The following USP15 variants were observed in gnomAD, a reference collection of about 807,000 sequenced individuals.
USP15 encodes the protein ubiquitin specific peptidase 15.
A neutral mutation model predicts 127.1 loss-of-function variants in USP15; 18 were observed. The observed-to-expected ratio is 0.14, with a 90% CI of 0.10 to 0.21. The LOEUF (loss-of-function observed/expected upper bound fraction) is 0.21, where lower values mean the gene tolerates loss of function less well. Among genes scored for constraint, USP15 ranks in the 10% least tolerant of loss-of-function variants. The pLI is 1.00. For synonymous variants in USP15, 364 were observed against 393.7 expected (o/e 0.92, Z 0.89); for missense variants, 805 against 1,159.9 (o/e 0.69, Z 4.44).
At position 62,393,176 on chromosome 12, in the gene USP15, G is replaced by A. The variant is rs1363106984; in HGVS notation, c.2544G>A (p.Leu848=). 6.2e-7 allele frequency: 1 copy of A among 1,612,538 alleles called. No homozygotes were observed. The highest frequency in any genetic ancestry group is 2.2e-5 in the East Asian group (1 of 44,694). ...ACAGTCGATACATGAGAGACAAGTT[G>A]GATACCTTAGTTGATTTTCCTATCA... ...FSYSRYMRDK[L]DTLVDFPIND... The change falls in exon 19 of 22, where the codon TTG becomes TTA. Residue 848 remains leucine (L), a synonymous_variant. Coordinates refer to ENST00000280377, the MANE Select transcript of USP15 (RefSeq NM_001252078.2).
chr12:62,335,885 A>G, intron 6 of USP15: 1 of 985,412 alleles, frequency 1.0e-6, no homozygotes, highest in Non-Finnish European at 1.2e-6. Context: ...ATTTGAATGC[A>G]TGATACGACC....
At chr12:62,330,629 G>C (rs1435901816) in intron 6 of USP15, among the ~76,000 whole-genome samples, 2 of 149,046 alleles carry the variant, frequency 1.3e-5, no homozygotes, top group African/African-American at 5.0e-5. Context: ...TCATTGAAAA[G>C]CACATTTTAG....
intron 3 of USP15, chr12:62,304,795 G>C: frequency 4.9e-6 from 2 of 406,634 alleles, no homozygotes. Context: ...AGGTAATTGA[G>C]TTAGTAGATT....
intron 4 of USP15, among the ~76,000 whole-genome samples, chr12:62,317,137 T>A (rs1034582002): frequency 1.3e-5 from 2 of 152,172 alleles, no homozygotes; most frequent in Non-Finnish European, 2.9e-5. Flanking sequence ...TTTCTTACTA[T>A]AGCTCTTAGT....
intron 7 of USP15, among the ~76,000 whole-genome samples, chr12:62,353,143 A>G (rs775279176): frequency 3.9e-5 from 6 of 152,080 alleles, no homozygotes; most frequent in Non-Finnish European, 5.9e-5. Flanking sequence ...GTGGATTATA[A>G]GTGACCGATC....
rs1249714405 is a variant in USP15, at chr12:62,416,187, A to G, written c.*11812A>G. 1.3e-5 allele frequency: 2 copies of G among 152,328 alleles called. No homozygotes were observed. Among genetic ancestry groups the G allele is most frequent in the East Asian group, 1.9e-4 (1 of 5,192 alleles). 9.4% of individuals were successfully genotyped at this position (152,328 alleles called of 1,614,324 possible). A position where few individuals can be genotyped will look rare whatever the true frequency, so the allele number is the denominator to read the frequency against. On this transcript the variant is annotated 3_prime_UTR_variant, in exon 22 of 22. Coordinates refer to ENST00000280377, the MANE Select transcript of USP15 (RefSeq NM_001252078.2). ...CTTATCTCTTACCTGGCGAACTCCTACACTCCTTCAAGACTTGCTCCAAAA... is the reference window on the plus strand; with the variant it reads ...CTTATCTCTTACCTGGCGAACTCCTGCACTCCTTCAAGACTTGCTCCAAAA...
chr12:62,344,934 G>A (rs1288459048), intron 6 of USP15, among the ~76,000 whole-genome samples: 1 of 152,206 alleles, frequency 6.6e-6, no homozygotes, highest in Non-Finnish European at 1.5e-5. Context: ...GGGTGGTCCT[G>A]GGCCCAGCCC....
At chr12:62,282,715 C>T (rs932419289) in intron 1 of USP15, among the ~76,000 whole-genome samples, 1 of 152,096 alleles carries the variant, frequency 6.6e-6, no homozygotes, top group African/African-American at 2.4e-5. Flanking sequence ...TCAAGTATCC[C>T]TTATTTTATT....
intron 2 of USP15, 61 bp downstream of exon 2, chr12:62,294,367 A>G: frequency 6.4e-7 from 1 of 1,556,606 alleles, no homozygotes; most frequent in Non-Finnish European, 8.6e-7. Context: ...TATAAATGTC[A>G]GTGGGTTGAA....
chr12:62,272,725 A>C (rs1278110130), intron 1 of USP15, among the ~76,000 whole-genome samples: 1 of 152,014 alleles, frequency 6.6e-6, no homozygotes, highest in Non-Finnish European at 1.5e-5. Context: ...CTGAAGCCCC[A>C]GTTTCTCCAG....
chr12:62,398,014 A>T, intron 20 of USP15, among the ~76,000 whole-genome samples: 1 of 149,304 alleles, frequency 6.7e-6, no homozygotes. Context: ...TTTTTTTGAG[A>T]CTGGCTCTCT....
intron 1 of USP15, among the ~76,000 whole-genome samples, chr12:62,285,784 T>C (rs1188192807): frequency 6.6e-6 from 1 of 152,214 alleles, no homozygotes; most frequent in Admixed American, 6.5e-5. Context: ...TGATTTCATT[T>C]CCTTTGGGTA....
At chr12:62,347,380 T>C (rs1177604268) in intron 6 of USP15, among the ~76,000 whole-genome samples, 1 of 150,574 alleles carries the variant, frequency 6.6e-6, no homozygotes, top group Non-Finnish European at 1.5e-5. Context: ...ATATATATTA[T>C]ATATAATATA....
intron 6 of USP15, among the ~76,000 whole-genome samples, chr12:62,334,869 A>G (rs372351342): frequency 1.2e-3 from 183 of 152,302 alleles, no homozygotes; most frequent in Non-Finnish European, 2.2e-3. Context: ...AAAGCAAGTT[A>G]TGTTTTTCTA....
intron 6 of USP15, among the ~76,000 whole-genome samples, chr12:62,332,873 A>G (rs1002595673): frequency 5.9e-5 from 9 of 152,178 alleles, no homozygotes; most frequent in African/African-American, 1.9e-4. Context: ...TAGTATTTTC[A>G]CAGCACTGTC....
intron 1 of USP15, among the ~76,000 whole-genome samples, chr12:62,276,847 A>T (rs910637526): frequency 6.6e-6 from 1 of 152,128 alleles, no homozygotes; most frequent in African/African-American, 2.4e-5. Context: ...AAAGTTATGA[A>T]TTTTTTCAGA....
intron 8 of USP15, among the ~76,000 whole-genome samples, chr12:62,376,271 TTTTCTC>T (rs1211460487): frequency 2.0e-5 from 3 of 152,120 alleles, no homozygotes; most frequent in African/African-American, 4.8e-5. Flanking sequence ...ATTTTTTTCT[TTTTCTC>T]TTTTTCATTA....
chr12:62,281,217 T>C (rs936766800), intron 1 of USP15, among the ~76,000 whole-genome samples: 4 of 152,258 alleles, frequency 2.6e-5, no homozygotes, highest in African/African-American at 2.4e-5. Flanking sequence ...TTTATTTGTC[T>C]GTGTCATCTA....
chr12:62,286,197 A>C (rs189962095), intron 1 of USP15, among the ~76,000 whole-genome samples: 162 of 152,312 alleles, frequency 1.1e-3, no homozygotes, highest in African/African-American at 3.8e-3. Flanking sequence ...AAGAAAAAAA[A>C]CGCCCATTAA....
Sources: allele counts gnomAD v4.1 joint callset (sites outside exome capture counted in the v4.1 genomes callset), GRCh38; gene constraint gnomAD v4.1.1; transcripts MANE v1.5; gene names NCBI Gene and HGNC (gene_info 2026-07-23, HGNC 2026-07-21).